DNAH17: variants seen among roughly 807,000 people sequenced by gnomAD.
DNAH17 encodes axonemal beta dynein heavy chain 17.
DNAH17 carries 376 observed loss-of-function variants against 485.6 expected under a neutral mutation model. That is an observed-to-expected ratio of 0.77 (90% CI 0.71 to 0.84). DNAH17 has a LOEUF of 0.84. DNAH17 is among the 40% of genes least tolerant of loss of function. The probability of loss-of-function intolerance (pLI) is 0.00; values close to 1 mark genes in which losing one functional copy is unlikely to be tolerated. For missense variants in DNAH17, 6,370 were observed against 5,839.3 expected (o/e 1.09, Z -2.96); for synonymous variants, 3,031 against 2,405.9 (o/e 1.26, Z -7.60).
intron 33 of DNAH17, 193 bp downstream of exon 33, chr17:78,502,398 G>T: frequency 2.0e-6 from 1 of 512,338 alleles, no homozygotes; most frequent in Non-Finnish European, 3.4e-6. Flanking sequence ...TGTTACTCGT[G>T]GGGAGAGGTG....
rs55701739 is a variant in DNAH17, at chr17:78,554,436, C to CAAAAAAAAAAAAAA, written c.2179-1645_2179-1632dup. Among the ~76,000 whole-genome samples the CAAAAAAAAAAAAAA allele has an allele frequency of 7.1e-4, 23 of 32,266 alleles. 7 individuals carry two copies. Among genetic ancestry groups the CAAAAAAAAAAAAAA allele is most frequent in the Non-Finnish European group, 7.8e-4 (14 of 17,984 alleles). 21.2% of individuals were successfully genotyped at this position (32,266 alleles called of 152,430 possible). On this transcript the variant is annotated intron_variant, in intron 14 of 80. Coordinates refer to ENST00000389840, the MANE Select transcript of DNAH17 (RefSeq NM_173628.4). The stretch of plus-strand genomic sequence containing the variant: ...TGGACAATAGAATGAGACTCTGTCT[C>CAAAAAAAAAAAAAA]AAAAAAAAAAAAAAAAAAAAAAAAA...
At chr17:78,439,041 C>A in intron 73 of DNAH17, 49 bp downstream of exon 73, 1 of 1,589,738 alleles carries the variant, frequency 6.3e-7, no homozygotes, top group Non-Finnish European at 8.6e-7. Context: ...TCCCCATTGG[C>A]CACCTCAGTG....
At chr17:78,502,809 G>A (rs2090345831) in intron 32 of DNAH17, 77 bp downstream of exon 32, 2 of 1,591,552 alleles carry the variant, frequency 1.3e-6, no homozygotes, top group East Asian at 2.2e-5. Context: ...ACAGTTAACA[G>A]CGGAGCCCAT....
At chr17:78,542,894 G>T (rs1056575482) in intron 17 of DNAH17, among the ~76,000 whole-genome samples, 2 of 152,208 alleles carry the variant, frequency 1.3e-5, no homozygotes, top group Non-Finnish European at 2.9e-5. Flanking sequence ...GGGGGATACC[G>T]ATAAACACAC....
chr17:78,535,933 G>A (rs1176959543), intron 19 of DNAH17, among the ~76,000 whole-genome samples: 1 of 151,722 alleles, frequency 6.6e-6, no homozygotes, highest in East Asian at 1.9e-4. Context: ...TTTTTTTATT[G>A]CTATACAAAT....
At chr17:78,460,390 A>T in intron 58 of DNAH17, 133 bp from the exon 59 acceptor site, 3 of 731,300 alleles carry the variant, frequency 4.1e-6, no homozygotes, top group Non-Finnish European at 6.8e-6. Flanking sequence ...GTGTGCATAT[A>T]TGTGCATGAG....
intron 2 of DNAH17, among the ~76,000 whole-genome samples, chr17:78,573,294 G>C (rs937473196): frequency 2.0e-5 from 3 of 152,096 alleles, no homozygotes; most frequent in African/African-American, 7.2e-5. Flanking sequence ...TTGGAGATAG[G>C]GTCTTTAAAG....
At chr17:78,465,503 G>A (rs904832717) in intron 56 of DNAH17, among the ~76,000 whole-genome samples, 37 of 20,822 alleles carry the variant, frequency 1.8e-3, no homozygotes, top group African/African-American at 2.4e-3. Flanking sequence ...CTTCCCGGCC[G>A]CCATCACATC....
chr17:78,528,620 GA>G (rs1278078301), intron 22 of DNAH17, among the ~76,000 whole-genome samples: 1 of 151,968 alleles, frequency 6.6e-6, no homozygotes, highest in East Asian at 1.9e-4. Context: ...GGAGGAGTTG[GA>G]AACTCCAGGC....
At chr17:78,488,295 C>A (rs973636697) in intron 44 of DNAH17, among the ~76,000 whole-genome samples, 3 of 152,226 alleles carry the variant, frequency 2.0e-5, no homozygotes, top group Non-Finnish European at 4.4e-5. Context: ...TCCGGCATCC[C>A]TGCCCCTGGC....
chr17:78,486,817 T>A (rs1201413125), intron 44 of DNAH17, among the ~76,000 whole-genome samples: 1 of 152,022 alleles, frequency 6.6e-6, no homozygotes, highest in East Asian at 1.9e-4. Context: ...TACCAAGGGC[T>A]GGTGGATGGG....
At position 78,533,992 on chromosome 17, in the gene DNAH17, T is replaced by A. The variant is rs2091307911; in HGVS notation, c.2860-1256A>T. Among the ~76,000 whole-genome samples, 3 of 152,142 alleles carry A rather than the reference T, an allele frequency of 2.0e-5. No individual in the cohort carries two copies. In the South Asian group the frequency reaches 6.2e-4, roughly 32 times the overall value. ...TGAGCCAATGCGCCCAGCCCAATTTTGACATCTTAAAAAAATAAAATAAAA... is the reference window on the plus strand; with the variant it reads ...TGAGCCAATGCGCCCAGCCCAATTTAGACATCTTAAAAAAATAAAATAAAA... On this transcript the variant is annotated intron_variant, in intron 19 of 80. Coordinates refer to ENST00000389840, the MANE Select transcript of DNAH17 (RefSeq NM_173628.4).
At chr17:78,516,998 A>G (rs1212774553) in intron 25 of DNAH17, among the ~76,000 whole-genome samples, 1 of 152,270 alleles carries the variant, frequency 6.6e-6, no homozygotes, top group Non-Finnish European at 1.5e-5. Flanking sequence ...TTCCATTTAA[A>G]GTCATAATAG....
intron 7 of DNAH17, among the ~76,000 whole-genome samples, 174 bp from the exon 8 acceptor site, chr17:78,569,701 C>T (rs76659652): frequency 0.014 from 2,108 of 152,362 alleles, 48 homozygotes; most frequent in African/African-American, 0.048. Context: ...TTCCCCTCCT[C>T]GGCCCCTCAT....
chr17:78,514,734 G>GC, intron 26 of DNAH17, 40 bp downstream of exon 26: 1 of 1,599,946 alleles, frequency 6.3e-7, no homozygotes, highest in Non-Finnish European at 8.5e-7. Flanking sequence ...AGAGCTGGCC[G>GC]CCAGGGGCGG....
chr17:78,491,189 A>C (rs567079558), intron 43 of DNAH17, among the ~76,000 whole-genome samples: 2 of 152,264 alleles, frequency 1.3e-5, no homozygotes, highest in South Asian at 4.1e-4. Flanking sequence ...CTACATAACC[A>C]TTTCTGCTTC....
chr17:78,496,080 C>G, intron 37 of DNAH17, 48 bp from the exon 38 acceptor site: 1 of 1,586,520 alleles, frequency 6.3e-7, no homozygotes, highest in Non-Finnish European at 8.6e-7. Flanking sequence ...TGGCCAGCTT[C>G]CACACACCAG....
rs115494797 is a variant in DNAH17 at position 78,505,195 on chromosome 17, G to A, written c.4956+98C>T. The A allele has an allele frequency of 2.0e-3, 3,019 of 1,508,408 alleles. 39 individuals are homozygous for A. In the African/African-American group the frequency reaches 0.033, roughly 17 times the overall value. The allele number at this position is 1,508,408 out of a possible 1,614,324, so 93.4% of individuals were successfully genotyped here. ...AGGGGCGGGCTGGCAGCTGCACAGG[G>A]TGCTGGTTCTCCGGACATCGCCATC... On this transcript the variant is annotated intron_variant, in intron 31 of 80. Transcript: ENST00000389840.
In DNAH17 at chr17:78,530,423, G is replaced by A. The variant is rs2091199948; in HGVS notation, c.3204C>T (p.Pro1068=). The A allele has an allele frequency of 2.5e-6, 4 of 1,613,562 alleles. No homozygotes were observed. Among genetic ancestry groups the A allele is most frequent in the Non-Finnish European group, 3.4e-6 (4 of 1,179,802 alleles). ...TTGTGCTGAGCAGGGCCTGCTTGAA[G>A]GGGCGGCAGTCGCACTGCAGCCAGC... ...FHGWLQCDCR[P]FKQALLSTIR... is the part of the protein sequence containing the mutation. The change falls in exon 21 of 81, where the codon CCC becomes CCT. Residue 1068 remains proline, a synonymous_variant. Coordinates refer to ENST00000389840, the MANE Select transcript of DNAH17 (RefSeq NM_173628.4).
Sources: gnomAD v4.1 joint callset for allele counts (sites outside exome capture counted in the v4.1 genomes callset) on GRCh38, gnomAD v4.1.1 for gene constraint, MANE v1.5 for transcripts, NCBI Gene and HGNC (gene_info 2026-07-23, HGNC 2026-07-21) for gene names.